Variants in CTTNBP2NL observed in about 807,000 individuals in gnomAD.
CTTNBP2NL encodes the protein CTTNBP2 N-terminal-like protein.
A neutral mutation model predicts 32.5 loss-of-function variants in CTTNBP2NL; 16 were observed. The ratio of observed to expected loss-of-function variants is 0.49; its 90% CI spans 0.33 to 0.75. The LOEUF (loss-of-function observed/expected upper bound fraction) is 0.75. CTTNBP2NL is among the 30% of genes least tolerant of loss of function. The pLI is 0.02. For synonymous variants in CTTNBP2NL, 298 were observed against 289.4 expected, an observed-to-expected ratio of 1.03 and a Z score of -0.30; for missense variants, 645 against 756.0, an observed-to-expected ratio of 0.85 and a Z score of 1.72.
intron 1 of CTTNBP2NL, among the ~76,000 whole-genome samples, chr1:112,409,815 G>A (rs986014016): frequency 2.6e-5 from 4 of 152,290 alleles, no homozygotes; most frequent in African/African-American, 9.6e-5. Flanking sequence ...AGTGGAGCTC[G>A]GATAGTATCC....
rs940150850 is a variant in CTTNBP2NL, at chr1:112,425,327, C to T, written c.99+9063C>T. On this transcript the variant is annotated intron_variant, in intron 3 of 5. Transcript: ENST00000271277. ...CTCTACTAAAAGTACAAAAATTAGC[C>T]GGGCGAGGTGGCACACGCCTGTAGT... 5.9e-5 allele frequency among the ~76,000 whole-genome samples: 9 copies of T among 151,436 alleles called. No individual in the cohort carries two copies. The East Asian group carries it at 1.2e-3, about 20-fold the overall frequency.
At position 112,445,402 on chromosome 1, in the gene CTTNBP2NL, T is replaced by C. The variant is rs144126821; in HGVS notation, c.100-3540T>C. 3.5e-3 allele frequency among the ~76,000 whole-genome samples: 527 copies of C among 152,334 alleles called. 3 individuals carry two copies. The highest frequency in any genetic ancestry group is 0.012 in the African/African-American group (490 of 41,562). ...TCTGTTTTGGGGTTTTTTTATTATT[T>C]ATACTGTTAAACCTGTAATCCATAT... On this transcript the variant is annotated intron_variant, in intron 3 of 5. Transcript: ENST00000271277.
chr1:112,391,293 G>A (rs1221314644), upstream of CTTNBP2NL, among the ~76,000 whole-genome samples: 1 of 152,218 alleles, frequency 6.6e-6, no homozygotes, highest in Non-Finnish European at 1.5e-5. Flanking sequence ...GGGTCGGGAA[G>A]CGTGAGGAAA....
intron 3 of CTTNBP2NL, among the ~76,000 whole-genome samples, chr1:112,416,992 A>G (rs1175627): frequency 0.018 from 2,763 of 152,266 alleles, 71 homozygotes; most frequent in African/African-American, 0.058. Context: ...TGGTAGTTTT[A>G]GCCCATTTCT....
chr1:112,400,966 C>CAA (rs56784970), intron 1 of CTTNBP2NL, among the ~76,000 whole-genome samples: 176 of 102,758 alleles, frequency 1.7e-3, no homozygotes, highest in African/African-American at 5.8e-3. Context: ...ACTCTGTCAC[C>CAA]AAAAAAAAAA....
chr1:112,402,401 ACAG>A (rs758597230), intron 1 of CTTNBP2NL, among the ~76,000 whole-genome samples: 2 of 152,156 alleles, frequency 1.3e-5, no homozygotes, highest in Admixed American at 6.5e-5. Context: ...CTGGGCAACA[ACAG>A]TGAAACTCCA....
intron 4 of CTTNBP2NL, among the ~76,000 whole-genome samples, chr1:112,453,429 AT>A (rs1262789825): frequency 6.6e-6 from 1 of 152,060 alleles, no homozygotes; most frequent in Non-Finnish European, 1.5e-5. Flanking sequence ...GCAGTTGTAG[AT>A]GGGATTATGT....
chr1:112,443,672 A>G (rs1237613140), intron 3 of CTTNBP2NL, among the ~76,000 whole-genome samples: 14 of 152,178 alleles, frequency 9.2e-5, no homozygotes, highest in South Asian at 2.1e-4. Context: ...AATCATGACA[A>G]TTTTCTCTCT....
chr1:112,432,750 AT>A (rs1649604821), intron 3 of CTTNBP2NL, among the ~76,000 whole-genome samples: 1 of 145,678 alleles, frequency 6.9e-6, no homozygotes, highest in South Asian at 2.1e-4. Context: ...TCCATTCTAT[AT>A]TTAAAAAAAA....
intron 3 of CTTNBP2NL, among the ~76,000 whole-genome samples, chr1:112,431,660 A>G (rs1037262753): frequency 5.9e-5 from 9 of 152,210 alleles, no homozygotes; most frequent in Non-Finnish European, 1.2e-4. Context: ...AGTTCCATCA[A>G]TGGCTGCATA....
intron 3 of CTTNBP2NL, among the ~76,000 whole-genome samples, chr1:112,439,072 G>A (rs1649824560): frequency 1.3e-5 from 2 of 152,162 alleles, no homozygotes; most frequent in South Asian, 4.1e-4. Context: ...TCCATCTGCC[G>A]ACTTGTGACA....
At chr1:112,424,819 G>T (rs780962021) in intron 3 of CTTNBP2NL, among the ~76,000 whole-genome samples, 1 of 151,474 alleles carries the variant, frequency 6.6e-6, no homozygotes, top group Non-Finnish European at 1.5e-5. Flanking sequence ...TGTTGTTTTG[G>T]TTTGGTTTGT....
intron 3 of CTTNBP2NL, among the ~76,000 whole-genome samples, chr1:112,424,317 T>G (rs1649326094): frequency 6.6e-6 from 1 of 152,214 alleles, no homozygotes; most frequent in Non-Finnish European, 1.5e-5. Context: ...TTTGCACCTT[T>G]GTCAGTCGGT....
At chr1:112,414,049 A>G (rs1036690027) in intron 2 of CTTNBP2NL, among the ~76,000 whole-genome samples, 4 of 151,660 alleles carry the variant, frequency 2.6e-5, no homozygotes, top group African/African-American at 9.7e-5. Context: ...ACTCTGTCTC[A>G]AAAAAATAAA....
At chr1:112,399,102 G>A (rs1270451738) in intron 1 of CTTNBP2NL, among the ~76,000 whole-genome samples, 10 of 151,840 alleles carry the variant, frequency 6.6e-5, no homozygotes, top group South Asian at 4.2e-4. Flanking sequence ...GGTGGATCAC[G>A]AGGTCAGGAG....
At chr1:112,424,613 T>C (rs1649335217) in intron 3 of CTTNBP2NL, among the ~76,000 whole-genome samples, 2 of 152,198 alleles carry the variant, frequency 1.3e-5, no homozygotes, top group Non-Finnish European at 2.9e-5. Context: ...TGGGGAGAAT[T>C]CATATCTTAA....
chr1:112,405,139 C>G (rs1230064497), intron 1 of CTTNBP2NL, among the ~76,000 whole-genome samples: 1 of 152,128 alleles, frequency 6.6e-6, no homozygotes, highest in East Asian at 1.9e-4. Context: ...AAAGACATAT[C>G]TTTTTTAAAA....
At chr1:112,447,451 A>C (rs1650085122) in intron 3 of CTTNBP2NL, among the ~76,000 whole-genome samples, 1 of 152,140 alleles carries the variant, frequency 6.6e-6, no homozygotes, top group African/African-American at 2.4e-5. Flanking sequence ...ATAACATCCA[A>C]ATACTCCAGT....
chr1:112,404,441 T>C (rs1025119165), intron 1 of CTTNBP2NL, among the ~76,000 whole-genome samples: 6 of 152,220 alleles, frequency 3.9e-5, no homozygotes, highest in Non-Finnish European at 8.8e-5. Flanking sequence ...TAATCCTTCA[T>C]ACCATACTCT....
Sources: gnomAD v4.1 joint callset for allele counts (sites outside exome capture counted in the v4.1 genomes callset) on GRCh38, gnomAD v4.1.1 for gene constraint, MANE v1.5 for transcripts, NCBI Gene and HGNC (gene_info 2026-07-23, HGNC 2026-07-21) for gene names.